The following LRRD1 variants were observed in gnomAD, a reference collection of about 807,000 sequenced individuals.
LRRD1 encodes the protein leucine rich repeats and death domain containing 1.
In LRRD1, 49 loss-of-function variants were observed where a neutral mutation model predicts 69.5. That is an observed-to-expected ratio of 0.70 (90% CI 0.56 to 0.89). The LOEUF is 0.89. Among genes scored for constraint, LRRD1 ranks in the 40% least tolerant of loss-of-function variants. The pLI is 0.00. For missense variants in LRRD1, 853 were observed against 956.0 expected (o/e 0.89, Z 1.42); for synonymous variants, 303 against 338.9 (o/e 0.89, Z 1.16).
rs757541773 is a variant in LRRD1, at chr7:92,164,963, T to C, written c.240A>G (p.Glu80=). 19 of 1,551,452 alleles carry C rather than the reference T, an allele frequency of 1.2e-5. No individual in the cohort carries two copies. The highest frequency in any genetic ancestry group is 2.0e-5 in the Admixed American group (1 of 51,010). The change falls in exon 2 of 6, where the codon GAA becomes GAG. Residue 80 remains glutamate, a synonymous_variant. Coordinates refer to ENST00000458448, the MANE Select transcript of LRRD1 (RefSeq NM_001161528.2). The part of the protein sequence containing the change: ...SSGRKSKRNE[E]QKKNLQFSET... Reference sequence around the variant, plus strand: ...CAGAAAATTGAAGATTTTTCTTTTGTTCTTCATTTCTCTTAGACTTCCTTC... The same window carrying C: ...CAGAAAATTGAAGATTTTTCTTTTGCTCTTCATTTCTCTTAGACTTCCTTC...
intron 1 of LRRD1, among the ~76,000 whole-genome samples, chr7:92,173,275 A>G (rs6970211): frequency 0.035 from 5,257 of 152,318 alleles, 267 homozygotes; most frequent in African/African-American, 0.12. Context: ...ACTTCAGTAC[A>G]TTGGTCTGGC....
rs1001631056 is a variant in LRRD1, at chr7:92,164,518, C to A, written c.685G>T (p.Glu229Ter). 1 of 1,549,748 alleles carries A rather than the reference C, an allele frequency of 6.5e-7. No individual in the cohort carries two copies. Among genetic ancestry groups the A allele is most frequent in the South Asian group, 1.2e-5 (1 of 83,856 alleles). Reference protein sequence around the residue: ...SHNHISHIPKEISQLGNIRQL... With the variant: ...SHNHISHIPK ...CTGATATTCCCAAGCTGAGATATTT[C>A]TTTAGGTATATGTGATATGTGGTTA... The change falls in exon 2 of 6, where the codon GAA (glutamate) becomes TAA (stop). Residue 229 changes from glutamate to a stop codon, truncating the protein, a stop_gained. Coordinates refer to ENST00000458448, the MANE Select transcript of LRRD1 (RefSeq NM_001161528.2). LOFTEE classifies it high-confidence loss of function.
chr7:92,145,036 A>T lies in LRRD1; in HGVS notation c.2435T>A (p.Val812Asp). 3 of 1,520,570 alleles carry T rather than the reference A, an allele frequency of 2.0e-6. No homozygotes were observed. Among genetic ancestry groups the T allele is most frequent in the Non-Finnish European group, 2.7e-6 (3 of 1,128,816 alleles). 94.2% of individuals were successfully genotyped at this position (1,520,570 alleles called of 1,614,324 possible). A position where few individuals can be genotyped will look rare whatever the true frequency, so the allele number is the denominator to read the frequency against. ...CTTGTTACTTTGTGTTTTCCATATA[A>T]CAAGTGCTTGGTGGGCTCTCTCACT... The part of the protein sequence containing the change: ...SLSERAHQAL[V>D]IWKTQSNKLS... Residue 812 changes from valine to aspartate, a missense_variant, in exon 6 of 6, where the codon GTT (valine) becomes GAT (aspartate). Val to Asp is a radical substitution (Grantham distance 152). Coordinates refer to ENST00000458448, the MANE Select transcript of LRRD1 (RefSeq NM_001161528.2).
chr7:92,168,784 A>G (rs140291340), intron 1 of LRRD1, among the ~76,000 whole-genome samples: 3 of 152,362 alleles, frequency 2.0e-5, no homozygotes, highest in East Asian at 1.9e-4. Context: ...TTCAATGTAC[A>G]TATGTACATC....
Position 92,157,166 on chromosome 7 carries a change from G to C in LRRD1, c.2116+1839C>G, listed in dbSNP as rs576973236. Among the ~76,000 whole-genome samples the C allele has an allele frequency of 1.4e-4, 21 of 151,736 alleles. No individual in the cohort carries two copies. In the South Asian group the frequency reaches 4.4e-3, roughly 32 times the overall value. On this transcript the variant is annotated intron_variant, in intron 3 of 5. Coordinates refer to ENST00000458448, the MANE Select transcript of LRRD1 (RefSeq NM_001161528.2). ...CTGCCTATGTCTCCCAAGTAGCTGG[G>C]ATTACAAGCATAAACCACCACATCT...
At chr7:92,154,840 C>A (rs1788618334) in intron 3 of LRRD1, among the ~76,000 whole-genome samples, 1 of 152,142 alleles carries the variant, frequency 6.6e-6, no homozygotes, top group Non-Finnish European at 1.5e-5. Context: ...CTTCCAAGAC[C>A]CCCCAGCTGA....
intron 3 of LRRD1, among the ~76,000 whole-genome samples, chr7:92,158,254 C>A (rs1490418856): frequency 2.0e-5 from 3 of 152,086 alleles, no homozygotes; most frequent in Non-Finnish European, 2.9e-5. Context: ...CTTTGGGAGG[C>A]TGAGGCAGGT....
intron 1 of LRRD1, among the ~76,000 whole-genome samples, chr7:92,165,962 A>G (rs1354183898): frequency 6.6e-6 from 1 of 152,202 alleles, no homozygotes; most frequent in Non-Finnish European, 1.5e-5. Flanking sequence ...GGATGTTTAC[A>G]TATGGTACTA....
rs1563187739 is a variant in LRRD1 at position 92,146,105 on chromosome 7, C to T, written c.2374G>A (p.Glu792Lys). The stretch of plus-strand genomic sequence containing the variant: ...TACCTCTTTGTAGGCATATCAGTTT[C>T]TGAGTTTGCCAGGTTTAGTTTTTGA... ...LCQKLNLANS[E>K]TDMPTKSTVS... The change falls in exon 5 of 6, where the codon GAA (glutamate) becomes AAA (lysine). Residue 792 changes from glutamate (E) to lysine (K), a missense_variant. This residue lies in a region of LRRD1 where 739 missense variants were observed against 808.0 expected (regional missense o/e 0.91). Coordinates refer to ENST00000458448, the MANE Select transcript of LRRD1 (RefSeq NM_001161528.2). 6.5e-7 allele frequency: 1 copy of T among 1,532,486 alleles called. No homozygotes were observed. Among genetic ancestry groups the T allele is most frequent in the Non-Finnish European group, 8.8e-7 (1 of 1,139,082 alleles). The allele number at this position is 1,532,486 out of a possible 1,614,324, so 94.9% of individuals were successfully genotyped here. A position where few individuals can be genotyped will look rare whatever the true frequency, so the allele number is the denominator to read the frequency against.
At chr7:92,178,087 G>A (rs1161552574) in intron 1 of LRRD1, among the ~76,000 whole-genome samples, 1 of 152,196 alleles carries the variant, frequency 6.6e-6, no homozygotes, top group Non-Finnish European at 1.5e-5. Context: ...GCCCAGGCGT[G>A]CAGATCACGA....
rs189156195 is a variant in LRRD1, at chr7:92,148,494, A to G, written c.2278+2040T>C. Among the ~76,000 whole-genome samples the G allele has an allele frequency of 1.7e-4, 26 of 151,418 alleles. No homozygotes were observed. In the East Asian group the frequency reaches 4.5e-3, roughly 26 times the overall value. ...GCTATGATATATATATATATATAAA[A>G]TTCCAATCTTCTAAGTAAAAGTTTA... On this transcript the variant is annotated intron_variant, in intron 4 of 5. Coordinates refer to ENST00000458448, the MANE Select transcript of LRRD1 (RefSeq NM_001161528.2).
intron 2 of LRRD1, 28 bp downstream of exon 2, chr7:92,163,258 C>T (rs755824770): frequency 7.4e-7 from 1 of 1,349,832 alleles, no homozygotes; most frequent in Non-Finnish European, 9.7e-7. Context: ...TCTCCTTCCC[C>T]ACAAAGCCCA....
chr7:92,163,491 A>T lies in LRRD1; in HGVS notation c.1712T>A (p.Phe571Tyr). 6.5e-7 allele frequency: 1 copy of T among 1,528,142 alleles called. No individual in the cohort carries two copies. Among genetic ancestry groups the T allele is most frequent in the Non-Finnish European group, 8.8e-7 (1 of 1,138,456 alleles). The allele number at this position is 1,528,142 out of a possible 1,614,324, so 94.7% of individuals were successfully genotyped here. ...LILCCNKFET[F>Y]PRELCTLENL... ...TTCTAAAGTACACAATTCTCTAGGG[A>T]AAGTTTCAAATTTATTACAGCATAA... The change falls in exon 2 of 6, where the codon TTC (phenylalanine) becomes TAC (tyrosine). Residue 571 changes from phenylalanine (F) to tyrosine (Y), a missense_variant. Phe to Tyr is a conservative substitution (Grantham distance 22, BLOSUM62 3). Coordinates refer to ENST00000458448, the MANE Select transcript of LRRD1 (RefSeq NM_001161528.2).
At chr7:92,166,914 T>C (rs1483281740) in intron 1 of LRRD1, among the ~76,000 whole-genome samples, 1 of 152,128 alleles carries the variant, frequency 6.6e-6, no homozygotes, top group Non-Finnish European at 1.5e-5. Flanking sequence ...AGATAGTAAT[T>C]AGCCAGTGGC....
chr7:92,146,230 T>C (rs1326291567), intron 4 of LRRD1, 30 bp from the exon 5 acceptor site: 7 of 1,086,054 alleles, frequency 6.4e-6, no homozygotes, highest in Non-Finnish European at 9.2e-6. Flanking sequence ...AAAATGTATA[T>C]CTTTTGAAAA....
chr7:92,154,561 CT>C (rs557140720), intron 3 of LRRD1, among the ~76,000 whole-genome samples: 441 of 143,708 alleles, frequency 3.1e-3, no homozygotes, highest in East Asian at 5.2e-3. Flanking sequence ...TATTTTTTCA[CT>C]TTTTTTTTTT....
intron 1 of LRRD1, among the ~76,000 whole-genome samples, chr7:92,166,623 G>A (rs1298608305): frequency 6.6e-6 from 1 of 152,194 alleles, no homozygotes; most frequent in Non-Finnish European, 1.5e-5. Context: ...AGGAATGCAA[G>A]TTTGGATTTA....
chr7:92,169,136 C>G (rs1465411050), intron 1 of LRRD1, among the ~76,000 whole-genome samples: 1 of 152,032 alleles, frequency 6.6e-6, no homozygotes, highest in Admixed American at 6.6e-5. Flanking sequence ...CCAGGCTGGT[C>G]TCGAACTCCT....
chr7:92,147,067 C>CTTT (rs371802875), intron 4 of LRRD1, among the ~76,000 whole-genome samples: 2 of 143,902 alleles, frequency 1.4e-5, no homozygotes, highest in Non-Finnish European at 1.5e-5. Context: ...TTATAAGCAA[C>CTTT]TTTTTTTTTT....
Sources: gnomAD v4.1 joint callset for allele counts (sites outside exome capture counted in the v4.1 genomes callset) on GRCh38, gnomAD v4.1.1 for gene constraint, gnomAD v4.1.1 regional missense constraint, MANE v1.5 for transcripts, NCBI Gene and HGNC (gene_info 2026-07-23, HGNC 2026-07-21) for gene names.